ERC1: variants seen among roughly 807,000 people sequenced by gnomAD.
ERC1 encodes the protein ELKS/RAB6-interacting/CAST family member 1, also known as RAB6 interacting protein 2.
ERC1 carries 56 observed loss-of-function variants against 132.0 expected under a neutral mutation model. The ratio of observed to expected loss-of-function variants is 0.42; its 90% CI spans 0.34 to 0.53. ERC1 has a LOEUF of 0.53. Ranked by LOEUF, ERC1 falls within the 20% of genes least tolerant of loss-of-function variation. The pLI is 0.03. For missense variants in ERC1, 1,202 were observed against 1,349.9 expected (o/e 0.89, Z 1.72); for synonymous variants, 478 against 476.1 (o/e 1.00, Z -0.05).
intron 18 of ERC1, among the ~76,000 whole-genome samples, chr12:1,477,841 G>A (rs2094004959): frequency 6.6e-6 from 1 of 152,120 alleles, no homozygotes; most frequent in Admixed American, 6.5e-5. Context: ...AACTTTCTAT[G>A]CCTGGAATCA....
At chr12:1,305,581 C>A (rs529270393) in intron 15 of ERC1, among the ~76,000 whole-genome samples, 1 of 152,272 alleles carries the variant, frequency 6.6e-6, no homozygotes, top group East Asian at 1.9e-4. Flanking sequence ...AGCACTTCTC[C>A]TGCTTTGGCT....
chr12:1,457,316 C>T (rs753034283), intron 18 of ERC1, among the ~76,000 whole-genome samples: 16 of 152,198 alleles, frequency 1.1e-4, no homozygotes, highest in East Asian at 7.7e-4. Flanking sequence ...TAGTACCCCA[C>T]GATATTAAAA....
chr12:1,406,284 C>G (rs2091483817), intron 16 of ERC1, among the ~76,000 whole-genome samples: 1 of 152,056 alleles, frequency 6.6e-6, no homozygotes, highest in Non-Finnish European at 1.5e-5. Context: ...TTTTAAATCC[C>G]TTGCTCAGAC....
intron 18 of ERC1, among the ~76,000 whole-genome samples, chr12:1,479,572 C>A (rs189256684): frequency 6.6e-6 from 1 of 152,294 alleles, no homozygotes; most frequent in Non-Finnish European, 1.5e-5. Context: ...CACATGTAGA[C>A]TATTCTTTTG....
intron 16 of ERC1, among the ~76,000 whole-genome samples, chr12:1,388,606 G>A (rs2154381591): frequency 6.6e-6 from 1 of 152,286 alleles, no homozygotes; most frequent in Non-Finnish European, 1.5e-5. Context: ...GGGATGCCAA[G>A]CCATGGAGAG....
At chr12:1,002,423 G>A (rs931174250) in intron 1 of ERC1, among the ~76,000 whole-genome samples, 1 of 149,264 alleles carries the variant, frequency 6.7e-6, no homozygotes, top group Non-Finnish European at 1.5e-5. Context: ...CTGAGCTCAA[G>A]TAATCTGCCT....
intron 16 of ERC1, chr12:1,380,839 TA>T (rs2088566416): frequency 6.6e-6 from 1 of 152,210 alleles, no homozygotes; most frequent in South Asian, 2.1e-4. Flanking sequence ...ATAACAATGG[TA>T]GGATAAAACA....
intron 2 of ERC1, among the ~76,000 whole-genome samples, chr12:1,081,870 T>TA (rs1220373602): frequency 2.0e-5 from 3 of 151,976 alleles, no homozygotes; most frequent in South Asian, 2.1e-4. Flanking sequence ...TACAGTAAAA[T>TA]AAAAAAAGAG....
intron 15 of ERC1, among the ~76,000 whole-genome samples, chr12:1,354,592 C>CTA (rs1317328751): frequency 2.6e-5 from 4 of 151,960 alleles, no homozygotes; most frequent in African/African-American, 7.3e-5. Context: ...GCTGGCAATG[C>CTA]TAATTATAGT....
rs35596394 is a variant in ERC1, at chr12:1,483,668, C to CTT, written c.3214-6388_3214-6387dup. 8.1e-3 allele frequency among the ~76,000 whole-genome samples: 447 copies of CTT among 55,212 alleles called. 146 individuals carry two copies. Among genetic ancestry groups the CTT allele is most frequent in the Non-Finnish European group, 0.012 (332 of 28,116 alleles). The allele number at this position is 55,212 out of a possible 152,430, so 36.2% of individuals were successfully genotyped here. A position where few individuals can be genotyped will look rare whatever the true frequency, so the allele number is the denominator to read the frequency against. ...CAAAACTCCTTCCAGCCACTGAGAG[C>CTT]TTTTTTTTTTTTTTTTTTTTTTTTT... On this transcript the variant is annotated intron_variant, in intron 18 of 18. Transcript: ENST00000360905.
intron 3 of ERC1, among the ~76,000 whole-genome samples, chr12:1,097,857 G>A (rs556872397): frequency 6.6e-6 from 1 of 152,020 alleles, no homozygotes; most frequent in South Asian, 2.1e-4. Context: ...TGGGATTGCA[G>A]GTGCCCCCCA....
At chr12:1,050,212 C>T (rs1352037567) in intron 2 of ERC1, among the ~76,000 whole-genome samples, 2 of 152,000 alleles carry the variant, frequency 1.3e-5, no homozygotes, top group African/African-American at 4.8e-5. Flanking sequence ...GATTTTGGGA[C>T]TTGGCCAAAA....
chr12:1,483,658 C>A (rs1026437979), intron 18 of ERC1, among the ~76,000 whole-genome samples: 3 of 138,530 alleles, frequency 2.2e-5, no homozygotes, highest in Non-Finnish European at 4.6e-5. Context: ...CTCCTTCCAG[C>A]CACTGAGAGC....
Position 1,027,883 on chromosome 12 carries a change from A to C in ERC1, c.-21A>C, listed in dbSNP as rs753375786. On this transcript the variant is annotated 5_prime_UTR_variant, in exon 2 of 19. Coordinates refer to ENST00000360905, the MANE Select transcript of ERC1 (RefSeq NM_178040.4). ...TTGTTGTTGTTGATTTTCTGCTCAC[A>C]CCTTTCCTGACCTTGCAACCATGTA... is the stretch of plus-strand genomic sequence containing the variant. 3.8e-6 allele frequency: 6 copies of C among 1,571,974 alleles called. No individual in the cohort carries two copies. The highest frequency in any genetic ancestry group is 5.2e-6 in the Non-Finnish European group (6 of 1,157,264).
intron 18 of ERC1, among the ~76,000 whole-genome samples, chr12:1,480,341 G>A (rs1314542342): frequency 6.6e-6 from 1 of 152,138 alleles, no homozygotes; most frequent in Non-Finnish European, 1.5e-5. Context: ...TTCAGCACAC[G>A]CACAGAAGAT....
At chr12:1,284,306 G>A (rs1244453998) in intron 14 of ERC1, among the ~76,000 whole-genome samples, 1 of 143,238 alleles carries the variant, frequency 7.0e-6, no homozygotes, top group Non-Finnish European at 1.5e-5. Flanking sequence ...GTGTGTGTGT[G>A]TGTATACATA....
intron 1 of ERC1, among the ~76,000 whole-genome samples, chr12:1,024,762 T>C (rs1009265028): frequency 1.3e-5 from 2 of 150,340 alleles, no homozygotes; most frequent in African/African-American, 2.5e-5. Context: ...GTTTAGTGGG[T>C]TCTGCATCCA....
intron 12 of ERC1, among the ~76,000 whole-genome samples, chr12:1,209,422 C>G (rs900485943): frequency 3.5e-4 from 50 of 141,932 alleles, no homozygotes; most frequent in Admixed American, 1.1e-3. Flanking sequence ...TTTTTTTGCT[C>G]TAATTCTTAG....
At chr12:1,426,325 G>A (rs747772749) in intron 17 of ERC1, among the ~76,000 whole-genome samples, 6 of 151,926 alleles carry the variant, frequency 3.9e-5, no homozygotes, top group Non-Finnish European at 5.9e-5. Context: ...GGCTGGTCTC[G>A]AACTCCTGAC....
Sources: gnomAD v4.1 joint callset for allele counts (sites outside exome capture counted in the v4.1 genomes callset) on GRCh38, gnomAD v4.1.1 for gene constraint, MANE v1.5 for transcripts, NCBI Gene and HGNC (gene_info 2026-07-23, HGNC 2026-07-21) for gene names.